Variants in SLC24A2 observed in about 807,000 individuals in gnomAD.
SLC24A2 encodes sodium/potassium/calcium exchanger 2.
A neutral mutation model predicts 62.0 loss-of-function variants in SLC24A2; 36 were observed. The ratio of observed to expected loss-of-function variants is 0.58; its 90% CI spans 0.44 to 0.77. The LOEUF is 0.77. Ranked by LOEUF, SLC24A2 falls within the 30% of genes least tolerant of loss-of-function variation. SLC24A2 has a pLI of 0.00. For synonymous variants in SLC24A2, 358 were observed against 294.0 expected (o/e 1.22, Z -2.23); for missense variants, 846 against 817.9 (o/e 1.03, Z -0.42).
intron 2 of SLC24A2, among the ~76,000 whole-genome samples, chr9:19,702,745 T>G (rs1470333170): frequency 6.6e-6 from 1 of 152,196 alleles, no homozygotes; most frequent in Non-Finnish European, 1.5e-5. Flanking sequence ...AACTACCAAG[T>G]GTTTTATCTT....
At chr9:20,048,714 G>T in the SLC24A2 span, among the ~76,000 whole-genome samples, 3 of 151,580 alleles carry the variant, frequency 2.0e-5, no homozygotes, top group Non-Finnish European at 4.4e-5. Context: ...AGGGAAAAAT[G>T]GAATTCCATC....
the SLC24A2 span, among the ~76,000 whole-genome samples, chr9:20,126,404 A>C: frequency 1.3e-5 from 2 of 151,948 alleles, no homozygotes; most frequent in Non-Finnish European, 2.9e-5. Context: ...AACTTCTGTC[A>C]GTTAATTGCC....
the SLC24A2 span, among the ~76,000 whole-genome samples, chr9:20,179,711 G>GA: frequency 2.0e-5 from 3 of 152,070 alleles, no homozygotes; most frequent in South Asian, 2.1e-4. Flanking sequence ...AAATTGACTA[G>GA]AAAAAAATCA....
chr9:20,243,133 T>A, the SLC24A2 span, among the ~76,000 whole-genome samples: 1 of 152,188 alleles, frequency 6.6e-6, no homozygotes, highest in Admixed American at 6.5e-5. Flanking sequence ...CCCCCCATAT[T>A]GTGGGTGTTT....
chr9:19,925,628 G>A, the SLC24A2 span, among the ~76,000 whole-genome samples: 1 of 152,218 alleles, frequency 6.6e-6, no homozygotes, highest in East Asian at 1.9e-4. Flanking sequence ...AAAAAAAATT[G>A]ACCAGAACCT....
chr9:19,908,364 C>T, the SLC24A2 span, among the ~76,000 whole-genome samples: 1 of 152,018 alleles, frequency 6.6e-6, no homozygotes, highest in South Asian at 2.1e-4. Context: ...AAATGTTAGA[C>T]CTAAAACCAT....
At chr9:20,141,581 A>C in the SLC24A2 span, among the ~76,000 whole-genome samples, 3 of 151,548 alleles carry the variant, frequency 2.0e-5, no homozygotes, top group Non-Finnish European at 4.4e-5. Context: ...TATTCTGATC[A>C]TTCTATAATA....
intron 2 of SLC24A2, among the ~76,000 whole-genome samples, chr9:19,722,657 T>TA (rs11336427): frequency 0.026 from 3,838 of 149,178 alleles, 125 homozygotes; most frequent in African/African-American, 0.072. Flanking sequence ...AATAGGATAT[T>TA]AAAAAAAAAA....
the SLC24A2 span, among the ~76,000 whole-genome samples, chr9:19,936,381 C>T: frequency 6.6e-6 from 1 of 152,172 alleles, no homozygotes; most frequent in Non-Finnish European, 1.5e-5. Context: ...TCAAGCCATC[C>T]TCCTTCTTCA....
At chr9:19,557,552 T>C (rs1055252934) in intron 7 of SLC24A2, among the ~76,000 whole-genome samples, 2 of 152,190 alleles carry the variant, frequency 1.3e-5, no homozygotes, top group African/African-American at 4.8e-5. Flanking sequence ...TGGTGTTGAC[T>C]CAAAGCCTTT....
the SLC24A2 span, among the ~76,000 whole-genome samples, chr9:20,051,769 G>A: frequency 2.0e-5 from 3 of 148,186 alleles, no homozygotes; most frequent in Admixed American, 1.4e-4. Context: ...GTGCTCCTTG[G>A]TGAGCTGTTA....
intron 2 of SLC24A2, among the ~76,000 whole-genome samples, chr9:19,754,141 A>G (rs149470870): frequency 6.6e-6 from 1 of 152,338 alleles, no homozygotes; most frequent in Admixed American, 6.5e-5. Flanking sequence ...TAAGCCACTG[A>G]ATGAATTCCT....
chr9:19,986,241 C>T, the SLC24A2 span, among the ~76,000 whole-genome samples: 1 of 152,216 alleles, frequency 6.6e-6, no homozygotes, highest in East Asian at 1.9e-4. Context: ...TTCACACCCA[C>T]TAGGCTAGCT....
chr9:20,255,723 G>A, the SLC24A2 span, among the ~76,000 whole-genome samples: 1 of 152,144 alleles, frequency 6.6e-6, no homozygotes, highest in Admixed American at 6.6e-5. Flanking sequence ...AAAATGGCCC[G>A]ACATCACTTT....
At chr9:19,534,201 A>G (rs1211313827) in intron 8 of SLC24A2, among the ~76,000 whole-genome samples, 1 of 152,220 alleles carries the variant, frequency 6.6e-6, no homozygotes, top group East Asian at 1.9e-4. Flanking sequence ...TGGTACAATG[A>G]AAATGATCTG....
the SLC24A2 span, among the ~76,000 whole-genome samples, chr9:20,167,944 C>T: frequency 6.6e-6 from 1 of 151,444 alleles, no homozygotes; most frequent in African/African-American, 2.4e-5. Context: ...CTCCCTCTTG[C>T]TGTTGTGCTG....
the SLC24A2 span, among the ~76,000 whole-genome samples, chr9:20,198,682 TCTC>T: frequency 4.0e-5 from 6 of 151,764 alleles, no homozygotes; most frequent in Non-Finnish European, 5.9e-5. Flanking sequence ...TCTCTCTCTC[TCTC>T]CACCCCCACC....
chr9:20,289,655 G>A, the SLC24A2 span, among the ~76,000 whole-genome samples: 1 of 152,172 alleles, frequency 6.6e-6, no homozygotes, highest in Non-Finnish European at 1.5e-5. Context: ...TTTGTCTTGT[G>A]TCTCCAGCAG....
intron 2 of SLC24A2, among the ~76,000 whole-genome samples, chr9:19,699,659 A>G (rs966269813): frequency 3.3e-5 from 5 of 152,246 alleles, no homozygotes; most frequent in African/African-American, 1.2e-4. Context: ...GCATATCTGT[A>G]TCATAAACAC....
Sources: allele counts gnomAD v4.1 joint callset (sites outside exome capture counted in the v4.1 genomes callset), GRCh38; gene constraint gnomAD v4.1.1; transcripts MANE v1.5; gene names NCBI Gene and HGNC (gene_info 2026-07-23, HGNC 2026-07-21).